MYRIP: variants seen among roughly 807,000 people sequenced by gnomAD.
The protein encoded by MYRIP is myosin VIIA and Rab interacting protein.
A neutral mutation model predicts 98.0 loss-of-function variants in MYRIP; 49 were observed. The ratio of observed to expected loss-of-function variants is 0.50; its 90% CI spans 0.40 to 0.63. The LOEUF is 0.63. Among genes scored for constraint, MYRIP ranks in the 30% least tolerant of loss-of-function variants. The pLI is 0.00. For synonymous variants in MYRIP, 404 were observed against 409.5 expected, an observed-to-expected ratio of 0.99 and a Z score of 0.16; for missense variants, 1,004 against 1,058.2, an observed-to-expected ratio of 0.95 and a Z score of 0.71.
At chr3:40,162,401 G>A (rs989342666) in intron 4 of MYRIP, among the ~76,000 whole-genome samples, 9 of 152,130 alleles carry the variant, frequency 5.9e-5, no homozygotes, top group Admixed American at 2.0e-4. Context: ...CACACAACTA[G>A]TAATTTGCAG....
intron 2 of MYRIP, among the ~76,000 whole-genome samples, chr3:40,006,858 G>C (rs948465869): frequency 1.3e-5 from 2 of 152,148 alleles, no homozygotes; most frequent in African/African-American, 4.8e-5. Context: ...ACATGTTGTT[G>C]TGAGGGCTTA....
chr3:40,234,389 G>A (rs76254001), intron 12 of MYRIP, among the ~76,000 whole-genome samples: 2 of 152,304 alleles, frequency 1.3e-5, no homozygotes, highest in East Asian at 3.9e-4. Context: ...TGGAGTAGAA[G>A]TTGCATCTCA....
chr3:39,957,266 GCAAAAAT>G (rs1945192113), intron 2 of MYRIP, among the ~76,000 whole-genome samples: 1 of 151,732 alleles, frequency 6.6e-6, no homozygotes, highest in Admixed American at 6.6e-5. Context: ...GAACATTGAT[GCAAAAAT>G]CCCCAATAAA....
intron 2 of MYRIP, among the ~76,000 whole-genome samples, chr3:39,972,314 T>G (rs1945607065): frequency 6.6e-6 from 1 of 152,030 alleles, no homozygotes; most frequent in Non-Finnish European, 1.5e-5. Flanking sequence ...ACTGACAATG[T>G]GATTATTATT....
At chr3:40,138,036 A>G (rs926232631) in intron 3 of MYRIP, among the ~76,000 whole-genome samples, 3 of 152,190 alleles carry the variant, frequency 2.0e-5, no homozygotes, top group African/African-American at 7.2e-5. Context: ...AAAACACTTC[A>G]TTACAGTCAT....
intron 1 of MYRIP, among the ~76,000 whole-genome samples, chr3:39,883,209 G>A (rs1428399533): frequency 6.6e-6 from 1 of 152,158 alleles, no homozygotes; most frequent in African/African-American, 2.4e-5. Flanking sequence ...CTCACTTTGG[G>A]TTGAAATCTC....
At chr3:39,998,475 C>T (rs1027276614) in intron 2 of MYRIP, among the ~76,000 whole-genome samples, 10 of 152,030 alleles carry the variant, frequency 6.6e-5, no homozygotes, top group Admixed American at 2.6e-4. Context: ...TAACAACGGA[C>T]GTGAAGGACC....
chr3:40,007,182 G>C (rs1442089348), intron 2 of MYRIP, among the ~76,000 whole-genome samples: 2 of 152,150 alleles, frequency 1.3e-5, no homozygotes, highest in Non-Finnish European at 2.9e-5. Flanking sequence ...ATTTTTGTCA[G>C]AATTCTGTAC....
At chr3:40,040,362 C>T (rs1204158143) in intron 2 of MYRIP, among the ~76,000 whole-genome samples, 2 of 125,554 alleles carry the variant, frequency 1.6e-5, no homozygotes, top group Non-Finnish European at 3.3e-5. Context: ...GAAATAGGAA[C>T]ACTTTTACAC....
At position 39,809,914 on chromosome 3, in the gene MYRIP, C is replaced by A. The variant is rs1460859082; in HGVS notation, c.-33C>A. ...CGGACTTGCTTCAGGCTGGCCACCC[C>A]CCGTGAGTACCGTCCGCCTCCCTCT... On this transcript the variant is annotated splice_region_variant and 5_prime_UTR_variant, in exon 1 of 17. Transcript: ENST00000302541. 1 of 152,376 alleles carries A rather than the reference C, an allele frequency of 6.6e-6. No homozygotes were observed. Among genetic ancestry groups the A allele is most frequent in the Non-Finnish European group, 1.5e-5 (1 of 68,168 alleles). The allele number at this position is 152,376 out of a possible 1,614,324, so 9.4% of individuals were successfully genotyped here.
intron 1 of MYRIP, among the ~76,000 whole-genome samples, chr3:39,855,018 A>T (rs1942244095): frequency 6.6e-6 from 1 of 152,188 alleles, no homozygotes; most frequent in Non-Finnish European, 1.5e-5. Flanking sequence ...CCAGCCATGG[A>T]TACCAGCATC....
intron 1 of MYRIP, among the ~76,000 whole-genome samples, chr3:39,868,039 C>A (rs956454396): frequency 6.6e-6 from 1 of 152,182 alleles, no homozygotes; most frequent in African/African-American, 2.4e-5. Context: ...TGTGTGCACA[C>A]CCACATAGTA....
intron 1 of MYRIP, among the ~76,000 whole-genome samples, chr3:39,878,679 A>G (rs1359495257): frequency 2.0e-5 from 3 of 152,108 alleles, no homozygotes; most frequent in Admixed American, 6.6e-5. Context: ...CCTTATGTCT[A>G]TGACAATGAA....
Position 39,888,822 on chromosome 3 carries a change from A to G in MYRIP, c.-30-11965A>G, listed in dbSNP as rs1271395871. 2.0e-5 allele frequency among the ~76,000 whole-genome samples: 3 copies of G among 152,334 alleles called. No individual in the cohort carries two copies. The East Asian group carries it at 5.8e-4, about 29-fold the overall frequency. ...TCCAGAATCTACAATGAACTCAAACAAATTTACAAGAAACAAACAAACAAC... is the reference window on the plus strand; with the variant it reads ...TCCAGAATCTACAATGAACTCAAACGAATTTACAAGAAACAAACAAACAAC... On this transcript the variant is annotated intron_variant, in intron 1 of 16. Coordinates refer to ENST00000302541, the MANE Select transcript of MYRIP (RefSeq NM_015460.4).
intron 13 of MYRIP, among the ~76,000 whole-genome samples, chr3:40,247,958 T>C (rs1211130180): frequency 1.3e-5 from 2 of 152,234 alleles, no homozygotes. Context: ...TTCAGCTTTG[T>C]GGATTATCTC....
chr3:40,034,571 C>A (rs1200979196), intron 2 of MYRIP, among the ~76,000 whole-genome samples: 2 of 150,722 alleles, frequency 1.3e-5, no homozygotes, highest in African/African-American at 2.5e-5. Context: ...AGTCTGGAAA[C>A]AACAGGTGCT....
chr3:40,122,002 A>C (rs1949415504), intron 3 of MYRIP, among the ~76,000 whole-genome samples: 1 of 152,188 alleles, frequency 6.6e-6, no homozygotes, highest in Non-Finnish European at 1.5e-5. Context: ...AACTCACAAC[A>C]TTATTTTTGT....
At chr3:39,861,821 C>A (rs1370271874) in intron 1 of MYRIP, among the ~76,000 whole-genome samples, 1 of 152,030 alleles carries the variant, frequency 6.6e-6, no homozygotes, top group African/African-American at 2.4e-5. Flanking sequence ...ATGAACAAAA[C>A]CTTCAAGAAA....
intron 2 of MYRIP, among the ~76,000 whole-genome samples, chr3:39,905,115 G>A (rs1044328008): frequency 2.6e-5 from 4 of 152,172 alleles, no homozygotes; most frequent in African/African-American, 9.7e-5. Context: ...GTTTTATCTA[G>A]ATTACTCAAG....
Sources: allele counts gnomAD v4.1 joint callset (sites outside exome capture counted in the v4.1 genomes callset), GRCh38; gene constraint gnomAD v4.1.1; transcripts MANE v1.5; gene names NCBI Gene and HGNC (gene_info 2026-07-23, HGNC 2026-07-21).